Variants in P2RX1 observed in about 807,000 individuals in gnomAD.
P2RX1 encodes the protein P2X purinoceptor 1.
P2RX1 carries 42 observed loss-of-function variants against 50.3 expected under a neutral mutation model. The observed-to-expected ratio is 0.83, with a 90% confidence interval of 0.65 to 1.08. P2RX1 has a LOEUF of 1.08. Among genes scored for constraint, P2RX1 ranks in the 50% least tolerant of loss-of-function variants. P2RX1 has a pLI of 0.00. For synonymous variants in P2RX1, 199 were observed against 202.6 expected, an observed-to-expected ratio of 0.98 and a Z score of 0.15; for missense variants, 449 against 529.0, an observed-to-expected ratio of 0.85 and a Z score of 1.48.
At chr17:3,904,775 C>T (rs1597517721) in intron 3 of P2RX1, 83 bp downstream of exon 3, 3 of 1,087,728 alleles carry the variant, frequency 2.8e-6, no homozygotes, top group Non-Finnish European at 4.1e-6. Context: ...TCTGGCTTCC[C>T]CTCCAGTGCC....
chr17:3,911,737 T>C (rs11078474), intron 1 of P2RX1, among the ~76,000 whole-genome samples: 70,466 of 152,104 alleles, frequency 0.46, 19,086 homozygotes, highest in East Asian at 0.82. Context: ...AGCCTCTCCC[T>C]TGGGCTCCTT....
intron 1 of P2RX1, among the ~76,000 whole-genome samples, chr17:3,911,432 G>C (rs73971717): frequency 0.037 from 5,600 of 152,222 alleles, 351 homozygotes; most frequent in African/African-American, 0.13. Context: ...TACGTGCTGC[G>C]GCAACAATGG....
At position 3,916,248 on chromosome 17, in the gene P2RX1, ACTGAGCCCC is replaced by A. The variant is rs777995483; in HGVS notation, c.-32_-24del. ...CATGGTGGGCCGGCTGGGGCTCAGAACTGAGCCCCCTGCACGGCCTCTGCTCTCAGGGTG... is the reference window on the plus strand; with the variant it reads ...CATGGTGGGCCGGCTGGGGCTCAGAACTGCACGGCCTCTGCTCTCAGGGTG... On this transcript the variant is annotated 5_prime_UTR_variant, in exon 1 of 12. Transcript: ENST00000225538. The A allele has an allele frequency of 6.2e-6, 10 of 1,611,004 alleles. No individual in the cohort carries two copies. In the African/African-American group the frequency reaches 1.2e-4, roughly 19 times the overall value.
At chr17:3,911,719 C>A (rs1352411616) in intron 1 of P2RX1, among the ~76,000 whole-genome samples, 1 of 152,232 alleles carries the variant, frequency 6.6e-6, no homozygotes, top group African/African-American at 2.4e-5. Flanking sequence ...CCCTGCTCTC[C>A]CTTTCACAGC....
chr17:3,897,742 C>G lies in P2RX1; in HGVS notation c.*72G>C. On this transcript the variant is annotated 3_prime_UTR_variant, in exon 12 of 12. Coordinates refer to ENST00000225538, the MANE Select transcript of P2RX1 (RefSeq NM_002558.4). ...AGACTTCCTGGGGAGGCCCCTCTGC[C>G]CTGGCTGGGACCCACCAGGGCTCCA... 6.9e-7 allele frequency: 1 copy of G among 1,443,476 alleles called. No homozygotes were observed. Among genetic ancestry groups the G allele is most frequent in the Non-Finnish European group, 9.6e-7 (1 of 1,038,418 alleles). The allele number at this position is 1,443,476 out of a possible 1,614,324, so 89.4% of individuals were successfully genotyped here.
chr17:3,901,224 T>C lies in P2RX1; in HGVS notation c.748-1463A>G, dbSNP rs367643829. Among the ~76,000 whole-genome samples, 163 of 152,266 alleles carry C rather than the reference T, an allele frequency of 1.1e-3. 2 individuals carry two copies. The highest frequency in any genetic ancestry group is 4.6e-3 in the East Asian group (24 of 5,186). On this transcript the variant is annotated intron_variant, in intron 7 of 11. Transcript: ENST00000225538. ...CTGAGATTACAGGTGCCCGCCACCA[T>C]GCCCGGCTAATTTTTTATATTTTTA...
chr17:3,904,467 A>AC (rs2056220440), intron 3 of P2RX1, 68 bp from the exon 4 acceptor site: 3 of 1,386,160 alleles, frequency 2.2e-6, no homozygotes, highest in Non-Finnish European at 3.0e-6. Flanking sequence ...CCCTCTCCCC[A>AC]CCCCCCAGGG....
chr17:3,915,959 C>A, intron 1 of P2RX1, 130 bp downstream of exon 1: 1 of 1,103,360 alleles, frequency 9.1e-7, no homozygotes. Flanking sequence ...CGCACAGTGG[C>A]TTGCCAGGAA....
rs558047912 is a variant in P2RX1 at position 3,915,365 on chromosome 17, G to A, written c.137+724C>T. 239 of 433,938 alleles carry A rather than the reference G, an allele frequency of 5.5e-4. 1 individual carries two copies. The highest frequency in any genetic ancestry group is 4.0e-3 in the African/African-American group (197 of 49,450). The allele number at this position is 433,938 out of a possible 1,614,324, so 26.9% of individuals were successfully genotyped here. A position where few individuals can be genotyped will look rare whatever the true frequency, so the allele number is the denominator to read the frequency against. ...ACACACCCAGACACATATAGGCACAGAGCTCCATATGCACACTCACAAGTG... is the reference window on the plus strand; with the variant it reads ...ACACACCCAGACACATATAGGCACAAAGCTCCATATGCACACTCACAAGTG... On this transcript the variant is annotated intron_variant, in intron 1 of 11. Transcript: ENST00000225538.
chr17:3,898,896 G>A (rs1281159147), intron 9 of P2RX1, 38 bp downstream of exon 9: 2 of 1,475,712 alleles, frequency 1.4e-6, no homozygotes, highest in South Asian at 1.1e-5. Context: ...AGCTGAGAAT[G>A]TGTCTCAGCT....
chr17:3,900,470 C>A (rs1281514826), intron 7 of P2RX1, among the ~76,000 whole-genome samples: 3 of 151,798 alleles, frequency 2.0e-5, no homozygotes, highest in Admixed American at 6.6e-5. Context: ...TCAACAACAA[C>A]AAAAAAAACT....
chr17:3,904,417 T>C lies in P2RX1; in HGVS notation c.358-18A>G, dbSNP rs757291980. The C allele has an allele frequency of 1.9e-6, 3 of 1,611,104 alleles. No individual in the cohort carries two copies. The South Asian group carries it at 3.3e-5, about 18-fold the overall frequency. On this transcript the variant is annotated intron_variant, in intron 3 of 11. Coordinates refer to ENST00000225538, the MANE Select transcript of P2RX1 (RefSeq NM_002558.4). ...TCTGGGTGCTGGGGGAGGCAAAAGC[T>C]GCTGGTCCCAGGCCCCTTGGGTGGG... is the stretch of plus-strand genomic sequence containing the variant.
At position 3,916,092 on chromosome 17, in the gene P2RX1, A is replaced by T; in HGVS notation, c.134T>A (p.Ile45Asn). ...AGCGGGAGGCGCCCGGACTCACCCG[A>T]TGACGTAGACCAGGACCACCAGCTG... ...LIQLVVLVYVIGWVFLYEKGY... is the reference protein window; with the variant it reads ...LIQLVVLVYVNGWVFLYEKGY... Residue 45 changes from isoleucine (I) to asparagine (N), a missense_variant, in exon 1 of 12, where the codon ATC (isoleucine) becomes AAC (asparagine). Ile to Asn is a moderately radical substitution (Grantham distance 149, BLOSUM62 -3). Transcript: ENST00000225538. The T allele has an allele frequency of 6.2e-7, 1 of 1,613,412 alleles. No homozygotes were observed.
chr17:3,899,566 G>C (rs2056097297), intron 8 of P2RX1, 68 bp downstream of exon 8: 1 of 1,595,882 alleles, frequency 6.3e-7, no homozygotes, highest in African/African-American at 1.3e-5. Flanking sequence ...CAGACCTGAA[G>C]TGTTCTGGGA....
intron 1 of P2RX1, among the ~76,000 whole-genome samples, chr17:3,909,569 G>A (rs974513255): frequency 6.6e-6 from 1 of 152,092 alleles, no homozygotes; most frequent in Non-Finnish European, 1.5e-5. Flanking sequence ...AACATGAGCC[G>A]GGTGTGGTGG....
intron 1 of P2RX1, among the ~76,000 whole-genome samples, chr17:3,906,332 C>T (rs552954054): frequency 2.6e-4 from 39 of 152,246 alleles, no homozygotes; most frequent in African/African-American, 8.7e-4. Context: ...GGGGTTTCAC[C>T]GTGTTGGCCA....
intron 1 of P2RX1, among the ~76,000 whole-genome samples, chr17:3,909,524 C>G (rs573106406): frequency 1.3e-5 from 2 of 152,300 alleles, no homozygotes; most frequent in East Asian, 3.9e-4. Context: ...GCACTCTCCC[C>G]TGAGATTCAA....
Position 3,903,911 on chromosome 17 carries a change from G to A in P2RX1, c.524+17C>T. ...CTGGGACCCTGTTCTTAGCTCTCTG[G>A]AAGGTCAGAGTGTTACCGCGGGATG... is the stretch of plus-strand genomic sequence containing the variant. On this transcript the variant is annotated intron_variant, in intron 5 of 11. Coordinates refer to ENST00000225538, the MANE Select transcript of P2RX1 (RefSeq NM_002558.4). The surrounding 1 kb of genome is among the most constrained non-coding windows in gnomAD (Gnocchi z 4.6). 1 of 1,595,918 alleles carries A rather than the reference G, an allele frequency of 6.3e-7. No homozygotes were observed. Among genetic ancestry groups the A allele is most frequent in the Non-Finnish European group, 8.6e-7 (1 of 1,163,306 alleles).
chr17:3,897,918 T>G, intron 11 of P2RX1, 39 bp from the exon 12 acceptor site: 1 of 1,612,864 alleles, frequency 6.2e-7, no homozygotes, highest in Non-Finnish European at 8.5e-7. Flanking sequence ...TACAAGTCAG[T>G]GCTGGGGAAG....
Sources: allele counts gnomAD v4.1 joint callset (sites outside exome capture counted in the v4.1 genomes callset), GRCh38; gene constraint gnomAD v4.1.1; non-coding constraint Gnocchi (gnomAD v3.1); transcripts MANE v1.5; gene names NCBI Gene and HGNC (gene_info 2026-07-23, HGNC 2026-07-21).